PHTF2: variants seen among roughly 807,000 people sequenced by gnomAD.
PHTF2 encodes the protein protein PHTF2.
PHTF2 carries 60 observed loss-of-function variants against 101.2 expected under a neutral mutation model. The observed-to-expected ratio is 0.59, with a 90% CI of 0.48 to 0.73. The LOEUF (loss-of-function observed/expected upper bound fraction) is 0.73. PHTF2 is among the 30% of genes least tolerant of loss of function. The probability of loss-of-function intolerance (pLI) is 0.00; values close to 1 mark genes in which losing one functional copy is unlikely to be tolerated. For synonymous variants in PHTF2, 311 were observed against 307.3 expected, an observed-to-expected ratio of 1.01 and a Z score of -0.13; for missense variants, 747 against 908.7, an observed-to-expected ratio of 0.82 and a Z score of 2.29.
intron 1 of PHTF2, among the ~76,000 whole-genome samples, chr7:77,812,969 G>A (rs1214222980): frequency 2.0e-5 from 3 of 152,158 alleles, no homozygotes; most frequent in Non-Finnish European, 2.9e-5. Context: ...CCTCAAGTAA[G>A]GAAACTTGTT....
chr7:77,835,298 A>G (rs998559374), intron 1 of PHTF2, among the ~76,000 whole-genome samples: 1 of 151,934 alleles, frequency 6.6e-6, no homozygotes, highest in African/African-American at 2.4e-5. Context: ...ACAAGAAAAA[A>G]AAAAGAAAGC....
At chr7:77,861,281 AAAC>A (rs1312530547) in intron 3 of PHTF2, among the ~76,000 whole-genome samples, 2 of 152,172 alleles carry the variant, frequency 1.3e-5, no homozygotes, top group Non-Finnish European at 2.9e-5. Flanking sequence ...GGAAGGAACA[AAAC>A]AAATGATGCA....
chr7:77,855,800 T>C (rs886874582), intron 3 of PHTF2, among the ~76,000 whole-genome samples: 1 of 152,162 alleles, frequency 6.6e-6, no homozygotes, highest in Non-Finnish European at 1.5e-5. Context: ...CACTACACTT[T>C]CTGTCCCCCA....
At chr7:77,877,886 T>C (rs901828568) in intron 3 of PHTF2, among the ~76,000 whole-genome samples, 4 of 152,168 alleles carry the variant, frequency 2.6e-5, no homozygotes, top group Non-Finnish European at 4.4e-5. Context: ...TCATGTGATG[T>C]CTAGAATGGA....
intron 10 of PHTF2, among the ~76,000 whole-genome samples, chr7:77,922,156 A>G (rs1803539379): frequency 6.6e-6 from 1 of 150,580 alleles, no homozygotes; most frequent in Admixed American, 6.7e-5. Flanking sequence ...CTGAATAGCT[A>G]GGAGTACAGG....
At chr7:77,925,507 T>G (rs1407591935) in intron 11 of PHTF2, among the ~76,000 whole-genome samples, 1 of 128,138 alleles carries the variant, frequency 7.8e-6, no homozygotes, top group Admixed American at 7.6e-5. Context: ...TTTTTTTTTT[T>G]TTTTTTTTTT....
chr7:77,866,966 A>T (rs1194261375), intron 3 of PHTF2, among the ~76,000 whole-genome samples: 8 of 152,192 alleles, frequency 5.3e-5, no homozygotes. Context: ...ATGCTGCAAT[A>T]TGAAGGAAAA....
chr7:77,893,761 A>C, intron 4 of PHTF2, 97 bp downstream of exon 3: 1 of 629,622 alleles, frequency 1.6e-6, no homozygotes, highest in South Asian at 2.3e-5. Context: ...TTTAAGATAT[A>C]AATTACTATT....
chr7:77,860,424 G>A (rs1249566013), intron 3 of PHTF2, among the ~76,000 whole-genome samples: 1 of 152,152 alleles, frequency 6.6e-6, no homozygotes, highest in Non-Finnish European at 1.5e-5. Context: ...TGTACTAGAG[G>A]ACATATTTGG....
chr7:77,860,037 T>C (rs914124255), intron 3 of PHTF2, among the ~76,000 whole-genome samples: 2 of 152,232 alleles, frequency 1.3e-5, no homozygotes, highest in East Asian at 1.9e-4. Context: ...TCTTTCACTT[T>C]TAAAAAACTG....
intron 3 of PHTF2, among the ~76,000 whole-genome samples, chr7:77,891,507 G>A (rs377129491): frequency 7.1e-6 from 1 of 141,172 alleles, no homozygotes; most frequent in East Asian, 2.1e-4. Context: ...TTACATATAA[G>A]TATGTTGTTT....
At chr7:77,907,764 T>A (rs1802003551) in intron 7 of PHTF2, 1 of 152,236 alleles carries the variant, frequency 6.6e-6, no homozygotes, top group Non-Finnish European at 1.5e-5. Context: ...TCAATATATG[T>A]CTCTTCAAAA....
In PHTF2 at chr7:77,922,952, A is replaced by AT. The variant is rs1308592388; in HGVS notation, c.1119+174_1119+175insT. On this transcript the variant is annotated intron_variant, in intron 11 of 19. Transcript: ENST00000416283. ...TAGCAGTTTTAGGTTTACGTATTGC[A>AT]CATGTATTGATAGATAGCCACACAT... 4 of 1,335,308 alleles carry AT rather than the reference A, an allele frequency of 3.0e-6. No individual in the cohort carries two copies. In the East Asian group the frequency reaches 8.3e-5, roughly 28 times the overall value. 82.7% of individuals were successfully genotyped at this position (1,335,308 alleles called of 1,614,324 possible).
chr7:77,907,877 G>A (rs1041995934), intron 7 of PHTF2: 5 of 152,058 alleles, frequency 3.3e-5, no homozygotes, highest in Non-Finnish European at 7.4e-5. Context: ...CTGGATTCAG[G>A]CATGGCTGGA....
intron 3 of PHTF2, among the ~76,000 whole-genome samples, chr7:77,867,315 G>A (rs1423615021): frequency 6.6e-6 from 1 of 152,160 alleles, no homozygotes; most frequent in Non-Finnish European, 1.5e-5. Flanking sequence ...AGTGAACGTA[G>A]GGTCGTTTTT....
intron 1 of PHTF2, among the ~76,000 whole-genome samples, chr7:77,821,460 C>T (rs889351402): frequency 1.3e-5 from 2 of 151,304 alleles, no homozygotes; most frequent in African/African-American, 4.9e-5. Flanking sequence ...CTTGGCTGGC[C>T]TGTGGATGTA....
At chr7:77,812,258 G>C (rs1793500326) in intron 1 of PHTF2, among the ~76,000 whole-genome samples, 1 of 152,188 alleles carries the variant, frequency 6.6e-6, no homozygotes. Flanking sequence ...CATTTATTCT[G>C]TGTTCACTTA....
intron 1 of PHTF2, among the ~76,000 whole-genome samples, chr7:77,835,372 G>C (rs1032126182): frequency 1.3e-5 from 2 of 152,050 alleles, no homozygotes; most frequent in African/African-American, 4.8e-5. Flanking sequence ...GAAAAGAATG[G>C]AATAGGAATA....
intron 19 of PHTF2, among the ~76,000 whole-genome samples, chr7:77,954,421 A>G (rs925526538): frequency 1.3e-5 from 2 of 152,148 alleles, no homozygotes; most frequent in Non-Finnish European, 2.9e-5. Context: ...GGTGTGAGCC[A>G]CCGCGCCTAG....
Sources: allele counts gnomAD v4.1 joint callset (sites outside exome capture counted in the v4.1 genomes callset), GRCh38; gene constraint gnomAD v4.1.1; transcripts MANE v1.5; gene names NCBI Gene and HGNC (gene_info 2026-07-23, HGNC 2026-07-21).